The following GABPB1 variants were observed in gnomAD, a reference collection of about 807,000 sequenced individuals.
GABPB1 encodes GA binding protein transcription factor subunit beta 1, also known as GA-binding protein subunit beta-1.
In GABPB1, 15 loss-of-function variants were observed where a neutral mutation model predicts 45.9. The observed-to-expected ratio is 0.33, with a 90% CI of 0.22 to 0.50. The LOEUF (loss-of-function observed/expected upper bound fraction) is 0.50. Ranked by LOEUF, GABPB1 falls within the 20% of genes least tolerant of loss-of-function variation. The probability of loss-of-function intolerance (pLI) is 0.98; values close to 1 mark genes in which losing one functional copy is unlikely to be tolerated. For synonymous variants in GABPB1, 143 were observed against 154.4 expected, an observed-to-expected ratio of 0.93 and a Z score of 0.55; for missense variants, 252 against 457.5, an observed-to-expected ratio of 0.55 and a Z score of 4.10.
intron 7 of GABPB1, 81 bp downstream of exon 7, chr15:50,289,402 T>C (rs2046270499): frequency 3.6e-6 from 3 of 832,578 alleles, no homozygotes; most frequent in African/African-American, 1.8e-5. Flanking sequence ...CACAATCTTT[T>C]TGGACTGCAG....
intron 6 of GABPB1, 111 bp from the exon 7 acceptor site, chr15:50,289,779 CT>C: frequency 1.4e-6 from 1 of 737,216 alleles, no homozygotes; most frequent in South Asian, 2.0e-5. Flanking sequence ...TTTCTTTTTT[CT>C]TTTTTAAATA....
At chr15:50,348,916 A>G (rs1465280012) in intron 1 of GABPB1, 2 of 152,140 alleles carry the variant, frequency 1.3e-5, no homozygotes, top group Non-Finnish European at 2.9e-5. Context: ...TTTTTAAATC[A>G]AAGGAGATGG....
chr15:50,354,529 G>C, intron 1 of GABPB1: 1 of 448,624 alleles, frequency 2.2e-6, no homozygotes, highest in South Asian at 1.6e-5. Flanking sequence ...AAAGGGTACC[G>C]CGGCGCCAGA....
intron 8 of GABPB1, chr15:50,282,286 T>C (rs755409358): frequency 2.2e-6 from 1 of 454,964 alleles, no homozygotes; most frequent in South Asian, 1.5e-5. Flanking sequence ...GACCTGGATA[T>C]GGTGACTTAT....
At chr15:50,310,782 A>C (rs1349289890) in intron 1 of GABPB1, among the ~76,000 whole-genome samples, 1 of 152,160 alleles carries the variant, frequency 6.6e-6, no homozygotes, top group Non-Finnish European at 1.5e-5. Context: ...GTTCGAGACC[A>C]GCCTGGACAA....
At chr15:50,306,697 T>C (rs2046963301) in intron 2 of GABPB1, among the ~76,000 whole-genome samples, 1 of 151,598 alleles carries the variant, frequency 6.6e-6, no homozygotes, top group African/African-American at 2.4e-5. Context: ...GCCCCAGAGG[T>C]AACTAATATT....
rs536203804 is a variant in GABPB1 at position 50,298,114 on chromosome 15, C to T, written c.697+2675G>A. Among the ~76,000 whole-genome samples, 14 of 152,204 alleles carry T rather than the reference C, an allele frequency of 9.2e-5. No homozygotes were observed. In the South Asian group the frequency reaches 2.9e-3, roughly 32 times the overall value. Reference sequence around the variant, plus strand: ...CGTTTTTGTTTTTTTGTTTTTGAGACAAGGTCTTGGTCTGTCACCCACGCT... The same window carrying T: ...CGTTTTTGTTTTTTTGTTTTTGAGATAAGGTCTTGGTCTGTCACCCACGCT... On this transcript the variant is annotated intron_variant, in intron 6 of 8. Transcript: ENST00000380877.
chr15:50,291,322 A>AT (rs10608855), intron 6 of GABPB1, among the ~76,000 whole-genome samples: 1,987 of 148,356 alleles, frequency 0.013, 14 homozygotes, highest in East Asian at 0.023. Flanking sequence ...TATCCATTGA[A>AT]TTTTTTTTTT....
At chr15:50,354,280 G>A in intron 1 of GABPB1, 2 of 410,014 alleles carry the variant, frequency 4.9e-6, no homozygotes. Context: ...CAGAAGTCCC[G>A]AGCCTTCAGA....
intron 1 of GABPB1, chr15:50,354,125 C>G: frequency 3.3e-6 from 1 of 303,184 alleles, no homozygotes; most frequent in Non-Finnish European, 6.5e-6. Context: ...GCTAGGCACG[C>G]TGATTCAACA....
intron 2 of GABPB1, among the ~76,000 whole-genome samples, chr15:50,308,247 T>C (rs1372201565): frequency 2.6e-5 from 4 of 152,216 alleles, no homozygotes; most frequent in African/African-American, 4.8e-5. Flanking sequence ...AGATATTCAT[T>C]TGCTTCTGTC....
chr15:50,335,620 C>T (rs1020830287), intron 1 of GABPB1, among the ~76,000 whole-genome samples: 6 of 151,904 alleles, frequency 3.9e-5, no homozygotes, highest in African/African-American at 7.3e-5. Flanking sequence ...ACTGGTCGGC[C>T]GGGTGCAGTG....
intron 1 of GABPB1, among the ~76,000 whole-genome samples, chr15:50,341,790 T>C (rs532064060): frequency 6.6e-6 from 1 of 152,324 alleles, no homozygotes; most frequent in Admixed American, 6.5e-5. Flanking sequence ...ATTTCATCAC[T>C]AGAGGAAAAA....
At chr15:50,293,301 A>G (rs1467390618) in intron 6 of GABPB1, among the ~76,000 whole-genome samples, 1 of 152,128 alleles carries the variant, frequency 6.6e-6, no homozygotes, top group Non-Finnish European at 1.5e-5. Flanking sequence ...CAGGAAAAAT[A>G]CTAGGAAACT....
chr15:50,290,971 T>C (rs1206536058), intron 6 of GABPB1, among the ~76,000 whole-genome samples: 1 of 152,226 alleles, frequency 6.6e-6, no homozygotes, highest in South Asian at 2.1e-4. Flanking sequence ...AGAATATACA[T>C]GGTAGCTTTA....
intron 1 of GABPB1, chr15:50,352,291 A>G (rs866396713): frequency 3.3e-5 from 5 of 152,036 alleles, no homozygotes; most frequent in Admixed American, 6.6e-5. Flanking sequence ...GGTCCATTAC[A>G]ATGACACAAT....
chr15:50,310,564 T>TA (rs2047096506), intron 1 of GABPB1, among the ~76,000 whole-genome samples: 2 of 152,252 alleles, frequency 1.3e-5, no homozygotes, highest in Admixed American at 1.3e-4. Context: ...TTCAAAATTT[T>TA]AAAAAACAAA....
rs533789410 is a variant in GABPB1 at position 50,281,754 on chromosome 15, C to T, written c.1000-2970G>A. Among the ~76,000 whole-genome samples, 70 of 152,108 alleles carry T rather than the reference C, an allele frequency of 4.6e-4. 2 individuals are homozygous for T. The highest frequency in any genetic ancestry group is 8.2e-4 in the Non-Finnish European group (56 of 68,028). On this transcript the variant is annotated intron_variant, in intron 8 of 8. Transcript: ENST00000380877. ...CCCACAAAGCCAAAAATATTTGGTA[C>T]CTGGCCATTTATGAAAAAAAACTTT... is the stretch of plus-strand genomic sequence containing the variant.
intron 1 of GABPB1, among the ~76,000 whole-genome samples, chr15:50,323,167 TTGAGA>T (rs1321353871): frequency 3.3e-5 from 5 of 152,036 alleles, no homozygotes. Context: ...ACCTAGGAGT[TTGAGA>T]CTGTACTGCA....
Sources: gnomAD v4.1 joint callset for allele counts (sites outside exome capture counted in the v4.1 genomes callset) on GRCh38, gnomAD v4.1.1 for gene constraint, MANE v1.5 for transcripts, NCBI Gene and HGNC (gene_info 2026-07-23, HGNC 2026-07-21) for gene names.